SUMF1: variants seen among roughly 807,000 people sequenced by gnomAD.
SUMF1 encodes the protein formylglycine-generating enzyme.
Under a neutral mutation model 47.6 loss-of-function variants are expected in SUMF1, and 48 were observed. That is an observed-to-expected ratio of 1.01 (90% CI 0.80 to 1.28). SUMF1 has a LOEUF of 1.28. Among genes scored for constraint, SUMF1 ranks in the 50% most tolerant of loss-of-function variants. The pLI is 0.00. For synonymous variants in SUMF1, 230 were observed against 192.1 expected, an observed-to-expected ratio of 1.20 and a Z score of -1.63; for missense variants, 571 against 485.4, an observed-to-expected ratio of 1.18 and a Z score of -1.66.
chr3:4,439,697 C>A (rs756815083), intron 3 of SUMF1, among the ~76,000 whole-genome samples: 3 of 151,636 alleles, frequency 2.0e-5, no homozygotes, highest in Non-Finnish European at 2.9e-5. Context: ...AAAAAAAAAT[C>A]TTTCTTAAAT....
At chr3:4,097,085 A>G (rs561344954) in intron 8 of SUMF1, among the ~76,000 whole-genome samples, 1 of 152,294 alleles carries the variant, frequency 6.6e-6, no homozygotes, top group South Asian at 2.1e-4. Context: ...CTTCTGGTTT[A>G]GTCAACAAGA....
intron 8 of SUMF1, among the ~76,000 whole-genome samples, chr3:4,211,119 T>TATATATATATATATATATATATAC (rs1440211464): frequency 7.5e-6 from 1 of 133,780 alleles, no homozygotes; most frequent in Non-Finnish European, 1.6e-5. Context: ...TATATATATA[T>TATATATATATATATATATATATAC]ATACACACAC....
chr3:4,156,423 G>C (rs763422355), intron 8 of SUMF1, among the ~76,000 whole-genome samples: 2 of 151,518 alleles, frequency 1.3e-5, no homozygotes, highest in Non-Finnish European at 2.9e-5. Flanking sequence ...ATGAGAGCAG[G>C]GGTTTTCTGG....
At chr3:4,075,038 C>T (rs1253664269) in intron 8 of SUMF1, among the ~76,000 whole-genome samples, 1 of 151,524 alleles carries the variant, frequency 6.6e-6, no homozygotes, top group Non-Finnish European at 1.5e-5. Context: ...AGAGACACAA[C>T]AAAAAAAAGG....
chr3:4,195,163 C>T (rs1695401751), intron 8 of SUMF1, among the ~76,000 whole-genome samples: 1 of 152,064 alleles, frequency 6.6e-6, no homozygotes, highest in African/African-American at 2.4e-5. Context: ...TTAAGATACA[C>T]ATTACAAAGG....
At chr3:4,239,151 C>T (rs761281332) in intron 8 of SUMF1, among the ~76,000 whole-genome samples, 10 of 151,976 alleles carry the variant, frequency 6.6e-5, no homozygotes, top group Middle Eastern at 3.4e-3. Context: ...TTTTGGTACC[C>T]GTACCATGCT....
At chr3:4,163,653 G>C (rs1289603648) in intron 8 of SUMF1, among the ~76,000 whole-genome samples, 1 of 151,326 alleles carries the variant, frequency 6.6e-6, no homozygotes, top group Admixed American at 6.6e-5. Context: ...GCCTATGAAA[G>C]GTAAGTGCCA....
chr3:4,394,741 G>T (rs1700987485), intron 7 of SUMF1, among the ~76,000 whole-genome samples: 1 of 152,152 alleles, frequency 6.6e-6, no homozygotes, highest in African/African-American at 2.4e-5. Context: ...ATCCAGGCAA[G>T]GCTGCAGCTG....
intron 8 of SUMF1, chr3:4,303,350 G>A (rs762825628): frequency 6.5e-7 from 1 of 1,534,360 alleles, no homozygotes; most frequent in Non-Finnish European, 8.7e-7. Flanking sequence ...CAGGGTAGTG[G>A]GCGTTGCGTG....
intron 1 of SUMF1, among the ~76,000 whole-genome samples, chr3:4,456,614 G>A (rs2079608266): frequency 7.1e-6 from 1 of 140,000 alleles, no homozygotes; most frequent in Non-Finnish European, 1.5e-5. Context: ...ACCACACCAG[G>A]CTAATATATA....
intron 8 of SUMF1, among the ~76,000 whole-genome samples, chr3:4,200,736 A>G (rs919319852): frequency 1.3e-5 from 2 of 152,100 alleles, no homozygotes; most frequent in African/African-American, 4.8e-5. Flanking sequence ...CTGTCTATCC[A>G]TACTATCCAT....
intron 8 of SUMF1, among the ~76,000 whole-genome samples, chr3:4,335,810 A>C (rs1699135158): frequency 6.6e-6 from 1 of 151,794 alleles, no homozygotes; most frequent in Non-Finnish European, 1.5e-5. Flanking sequence ...AAATACAAAA[A>C]TTAGCCCAGT....
intron 8 of SUMF1, among the ~76,000 whole-genome samples, chr3:4,223,130 T>A (rs1696104022): frequency 6.6e-6 from 1 of 152,138 alleles, no homozygotes; most frequent in Non-Finnish European, 1.5e-5. Flanking sequence ...AAAAAATACC[T>A]GACAAATAGA....
At chr3:4,046,321 G>A (rs1015422929) in intron 9 of SUMF1, among the ~76,000 whole-genome samples, 1 of 152,096 alleles carries the variant, frequency 6.6e-6, no homozygotes, top group Non-Finnish European at 1.5e-5. Flanking sequence ...TGGGAGAGAT[G>A]ATCACCAAAC....
chr3:4,136,299 C>T (rs1418954084), intron 8 of SUMF1, among the ~76,000 whole-genome samples: 4 of 151,922 alleles, frequency 2.6e-5, no homozygotes, highest in African/African-American at 9.7e-5. Flanking sequence ...AGGAATAGAG[C>T]CCTCAGAAAT....
intron 8 of SUMF1, among the ~76,000 whole-genome samples, chr3:4,163,329 C>T (rs1364059406): frequency 4.6e-5 from 5 of 109,526 alleles, no homozygotes; most frequent in Admixed American, 1.2e-4. Context: ...CCTTTTCATG[C>T]AGATGAGAGA....
chr3:4,221,234 G>T (rs1359877421), intron 8 of SUMF1, among the ~76,000 whole-genome samples: 1 of 152,114 alleles, frequency 6.6e-6, no homozygotes, highest in Admixed American at 6.6e-5. Context: ...TGCCAATGCA[G>T]CAGCAGTACT....
At chr3:4,076,001 A>G (rs1242870801) in intron 8 of SUMF1, among the ~76,000 whole-genome samples, 1 of 152,158 alleles carries the variant, frequency 6.6e-6, no homozygotes, top group Non-Finnish European at 1.5e-5. Context: ...TTTAAATTTC[A>G]CATGGAACCA....
At chr3:4,256,407 G>C (rs2125017461) in intron 8 of SUMF1, among the ~76,000 whole-genome samples, 1 of 135,788 alleles carries the variant, frequency 7.4e-6, no homozygotes, top group Non-Finnish European at 1.6e-5. Context: ...GAATCAAATA[G>C]ACACAATAAA....
Sources: allele counts gnomAD v4.1 joint callset (sites outside exome capture counted in the v4.1 genomes callset), GRCh38; gene constraint gnomAD v4.1.1; transcripts MANE v1.5; gene names NCBI Gene and HGNC (gene_info 2026-07-23, HGNC 2026-07-21).